Variants in DTWD2 observed in about 807,000 individuals in gnomAD.
The protein encoded by DTWD2 is tRNA-uridine aminocarboxypropyltransferase 2.
DTWD2 carries 39 observed loss-of-function variants against 31.8 expected under a neutral mutation model. The observed-to-expected ratio is 1.22, with a 90% CI of 0.95 to 1.60. DTWD2 has a LOEUF of 1.60. Ranked by LOEUF, DTWD2 falls within the 40% of genes most tolerant of loss-of-function variation. The pLI, the probability that DTWD2 is intolerant of heterozygous loss-of-function variation, is 0.00. For missense variants in DTWD2, 515 were observed against 381.5 expected (o/e 1.35, Z -2.92); for synonymous variants, 180 against 142.8 (o/e 1.26, Z -1.86).
intron 4 of DTWD2, among the ~76,000 whole-genome samples, chr5:118,896,120 C>T (rs968548906): frequency 2.0e-5 from 3 of 151,992 alleles, no homozygotes; most frequent in African/African-American, 4.8e-5. Context: ...AAACTATGAG[C>T]GAAAATGTGA....
At position 118,936,522 on chromosome 5, in the gene DTWD2, G is replaced by A. The variant is rs191898948; in HGVS notation, c.404+2674C>T. ...TTACAGCTGAAATGTTTATATGCAC[G>A]GGCCAGGCACAGTAGCTCACATCTG... On this transcript the variant is annotated intron_variant, in intron 3 of 5. Coordinates refer to ENST00000510708, the MANE Select transcript of DTWD2 (RefSeq NM_173666.4). Among the ~76,000 whole-genome samples, 504 of 151,994 alleles carry A rather than the reference G, an allele frequency of 3.3e-3. 3 individuals carry two copies. Among genetic ancestry groups the A allele is most frequent in the Admixed American group, 7.5e-3 (114 of 15,274 alleles).
chr5:118,872,340 C>CA (rs773222291), intron 4 of DTWD2, among the ~76,000 whole-genome samples: 9 of 152,178 alleles, frequency 5.9e-5, no homozygotes, highest in Non-Finnish European at 1.3e-4. Context: ...TAGCTTGGTA[C>CA]AAGAGGCCTA....
chr5:118,944,313 G>T (rs1201642365), intron 2 of DTWD2, among the ~76,000 whole-genome samples: 1 of 152,090 alleles, frequency 6.6e-6, no homozygotes, highest in East Asian at 1.9e-4. Context: ...AAAATTGTTG[G>T]GAGTTTTAAA....
intron 5 of DTWD2, among the ~76,000 whole-genome samples, chr5:118,843,893 C>T (rs1040131193): frequency 2.6e-5 from 4 of 152,186 alleles, no homozygotes; most frequent in Admixed American, 2.6e-4. Context: ...AATTTAGGCA[C>T]AGCCATATAA....
intron 1 of DTWD2, among the ~76,000 whole-genome samples, chr5:118,957,970 C>A (rs946463254): frequency 2.6e-5 from 4 of 152,062 alleles, no homozygotes; most frequent in Admixed American, 1.3e-4. Flanking sequence ...TACTAATATA[C>A]AATAAGTGTG....
At chr5:118,956,439 ACTTG>A (rs1415864802) in intron 1 of DTWD2, among the ~76,000 whole-genome samples, 1 of 152,188 alleles carries the variant, frequency 6.6e-6, no homozygotes, top group African/African-American at 2.4e-5. Context: ...ACTAAGACTG[ACTTG>A]CTTCCTAAAC....
chr5:118,864,942 C>T (rs887730963), intron 4 of DTWD2, among the ~76,000 whole-genome samples: 1 of 152,136 alleles, frequency 6.6e-6, no homozygotes, highest in African/African-American at 2.4e-5. Context: ...GCAGCCCTCC[C>T]TCCTCTTAAA....
chr5:118,987,494 T>C lies in DTWD2; in HGVS notation c.218+800A>G, dbSNP rs145521031. 4.5e-4 allele frequency among the ~76,000 whole-genome samples: 68 copies of C among 152,370 alleles called. 1 individual carries two copies. The highest frequency in any genetic ancestry group is 1.5e-3 in the African/African-American group (64 of 41,596). Reference sequence around the variant, plus strand: ...TTTTCCCCTGGCTGGATTCTTCTCATCTTTCAAATCTCAGAGATAGTTCAT... The same window carrying C: ...TTTTCCCCTGGCTGGATTCTTCTCACCTTTCAAATCTCAGAGATAGTTCAT... On this transcript the variant is annotated intron_variant, in intron 1 of 5. Transcript: ENST00000510708.
At chr5:118,955,829 G>A (rs1580435584) in intron 1 of DTWD2, among the ~76,000 whole-genome samples, 1 of 150,686 alleles carries the variant, frequency 6.6e-6, no homozygotes, top group South Asian at 2.1e-4. Flanking sequence ...TGCTTCCTAT[G>A]AACTATTATA....
At chr5:118,912,480 C>T (rs1019160793) in intron 4 of DTWD2, among the ~76,000 whole-genome samples, 5 of 152,248 alleles carry the variant, frequency 3.3e-5, no homozygotes, top group Non-Finnish European at 5.9e-5. Flanking sequence ...GTTCCTCTCT[C>T]GCTAAGCTCC....
intron 5 of DTWD2, among the ~76,000 whole-genome samples, chr5:118,846,012 C>T (rs183426644): frequency 7.0e-4 from 107 of 152,094 alleles, no homozygotes; most frequent in Non-Finnish European, 1.0e-3. Flanking sequence ...CCTAAAACAA[C>T]GTAAAGTTGT....
At chr5:118,929,334 G>A (rs1580415623) in intron 3 of DTWD2, among the ~76,000 whole-genome samples, 1 of 152,210 alleles carries the variant, frequency 6.6e-6, no homozygotes, top group East Asian at 1.9e-4. Flanking sequence ...GTATGCACCT[G>A]TAACAATGGC....
chr5:118,920,006 TAAAAAA>T (rs544443298), intron 4 of DTWD2, among the ~76,000 whole-genome samples: 1 of 143,660 alleles, frequency 7.0e-6, no homozygotes, highest in African/African-American at 2.5e-5. Flanking sequence ...GTAATAAAAA[TAAAAAA>T]AAAAAGTGCA....
At chr5:118,844,983 C>T (rs1220703575) in intron 5 of DTWD2, among the ~76,000 whole-genome samples, 3 of 151,894 alleles carry the variant, frequency 2.0e-5, no homozygotes, top group East Asian at 3.9e-4. Flanking sequence ...CCCATCTCTA[C>T]AAAAAATACA....
chr5:118,971,658 T>C (rs984431127), intron 1 of DTWD2, among the ~76,000 whole-genome samples: 2 of 152,136 alleles, frequency 1.3e-5, no homozygotes, highest in South Asian at 4.1e-4. Context: ...GAACTCTCCA[T>C]CCAAAAATAA....
At position 118,839,763 on chromosome 5, in the gene DTWD2, T is replaced by C. The variant is rs1427039225; in HGVS notation, c.*1154A>G. Reference sequence around the variant, plus strand: ...ATAGTTTCCCCAAATATTAGCATTCTAATTGTGACCAGCATTATACCTTTT... The same window carrying C: ...ATAGTTTCCCCAAATATTAGCATTCCAATTGTGACCAGCATTATACCTTTT... On this transcript the variant is annotated 3_prime_UTR_variant, in exon 6 of 6. Transcript: ENST00000510708. 6.6e-6 allele frequency: 1 copy of C among 152,250 alleles called. No homozygotes were observed. The highest frequency in any genetic ancestry group is 1.5e-5 in the Non-Finnish European group (1 of 68,036). The allele number at this position is 152,250 out of a possible 1,614,324, so 9.4% of individuals were successfully genotyped here.
chr5:118,907,894 A>G (rs1174448198), intron 4 of DTWD2, among the ~76,000 whole-genome samples: 1 of 152,168 alleles, frequency 6.6e-6, no homozygotes, highest in African/African-American at 2.4e-5. Context: ...ATGGCAGACA[A>G]TCTGCTTTAC....
At chr5:118,874,926 T>A (rs1024329559) in intron 4 of DTWD2, among the ~76,000 whole-genome samples, 1 of 150,810 alleles carries the variant, frequency 6.6e-6, no homozygotes, top group African/African-American at 2.4e-5. Flanking sequence ...TCCTCCAAGA[T>A]CAAAATTAAA....
At chr5:118,873,456 A>G (rs1159262419) in intron 4 of DTWD2, among the ~76,000 whole-genome samples, 1 of 152,214 alleles carries the variant, frequency 6.6e-6, no homozygotes, top group African/African-American at 2.4e-5. Context: ...TGTCTGGTAG[A>G]GAGCTTCAGC....
Sources: gnomAD v4.1 joint callset for allele counts (sites outside exome capture counted in the v4.1 genomes callset) on GRCh38, gnomAD v4.1.1 for gene constraint, MANE v1.5 for transcripts, NCBI Gene and HGNC (gene_info 2026-07-23, HGNC 2026-07-21) for gene names.